KIF5B: variants seen among roughly 807,000 people sequenced by gnomAD.
The protein encoded by KIF5B is kinesin-1 heavy chain.
In KIF5B, 49 loss-of-function variants were observed where a neutral mutation model predicts 132.8. The observed-to-expected ratio is 0.37, with a 90% CI of 0.29 to 0.47. The LOEUF (loss-of-function observed/expected upper bound fraction) is 0.47. Ranked by LOEUF, KIF5B falls within the 20% of genes least tolerant of loss-of-function variation. The pLI, the probability that KIF5B is intolerant of heterozygous loss-of-function variation, is 1.00. For synonymous variants in KIF5B, 355 were observed against 369.4 expected, an observed-to-expected ratio of 0.96 and a Z score of 0.45; for missense variants, 780 against 1,144.0, an observed-to-expected ratio of 0.68 and a Z score of 4.59.
rs1288536710 is a variant in KIF5B at position 32,056,139 on chromosome 10, G to A, written c.-166C>T. ...GGAGGCGGCCGGGGAGCCGGGACTTGAAGAGCCGGCGCCGGCAGCCGTTAA... is the reference window on the plus strand; with the variant it reads ...GGAGGCGGCCGGGGAGCCGGGACTTAAAGAGCCGGCGCCGGCAGCCGTTAA... On this transcript the variant is annotated 5_prime_UTR_variant, in exon 1 of 26. Transcript: ENST00000302418. The A allele has an allele frequency of 1.4e-5, 10 of 729,420 alleles. No homozygotes were observed. Among genetic ancestry groups the A allele is most frequent in the Non-Finnish European group, 1.3e-5 (6 of 465,220 alleles). The allele number at this position is 729,420 out of a possible 1,614,324, so 45.2% of individuals were successfully genotyped here.
intron 24 of KIF5B, 84 bp from the exon 25 acceptor site, chr10:32,015,743 A>C: frequency 8.8e-7 from 1 of 1,134,404 alleles, no homozygotes; most frequent in Non-Finnish European, 1.2e-6. Flanking sequence ...TCTTATTCAC[A>C]ACAAATTCCC....
intron 2 of KIF5B, among the ~76,000 whole-genome samples, chr10:32,045,307 G>C (rs1841595175): frequency 6.6e-6 from 1 of 151,744 alleles, no homozygotes; most frequent in Non-Finnish European, 1.5e-5. Context: ...GTCATATTCA[G>C]AAAAAAAATA....
chr10:32,038,938 C>T (rs370734712), intron 4 of KIF5B, 112 bp from the exon 5 acceptor site: 5 of 676,622 alleles, frequency 7.4e-6, no homozygotes, highest in South Asian at 1.8e-5. Context: ...TATCAACATA[C>T]CAGCCATAGC....
In KIF5B at chr10:32,015,607, A is replaced by T; in HGVS notation, c.2814T>A (p.Ser938Arg). Residue 938 changes from serine (S) to arginine (R), a missense_variant, in exon 25 of 26, where the codon AGT becomes AGA. This residue lies in a region of KIF5B where 90 missense variants were observed against 101.8 expected (regional missense o/e 0.88). Coordinates refer to ENST00000302418, the MANE Select transcript of KIF5B (RefSeq NM_004521.3). ...CAAATGCACCTCCTCCACGAATTGC[A>T]CTTGGGTGAGTTGGAGAAGCTGCTG... The part of the protein sequence containing the change: ...QHPAASPTHP[S>R]AIRGGGAFVQ... 1 of 1,613,858 alleles carries T rather than the reference A, an allele frequency of 6.2e-7. No individual in the cohort carries two copies. Among genetic ancestry groups the T allele is most frequent in the South Asian group, 1.1e-5 (1 of 91,066 alleles).
At chr10:32,037,217 A>C in intron 8 of KIF5B, 37 bp downstream of exon 8, 1 of 1,589,902 alleles carries the variant, frequency 6.3e-7, no homozygotes, top group Non-Finnish European at 8.6e-7. Flanking sequence ...GTTTACAAAG[A>C]TGCTTAAATA....
intron 2 of KIF5B, among the ~76,000 whole-genome samples, chr10:32,047,089 AAATATTTCTATTG>A (rs1321527616): frequency 5.3e-5 from 8 of 152,202 alleles, no homozygotes; most frequent in East Asian, 1.9e-4. Flanking sequence ...CAGGTACTAG[AAATATTTCTATTG>A]AATATTTCTA....
At chr10:32,024,056 AAAAAAAAC>A (rs1841300175) in intron 15 of KIF5B, among the ~76,000 whole-genome samples, 1 of 101,080 alleles carries the variant, frequency 9.9e-6, no homozygotes, top group African/African-American at 3.0e-5. Flanking sequence ...GAGAGTAAAA[AAAAAAAAC>A]AAAAAAAAAA....
At chr10:32,016,496 A>G (rs183689294) in intron 24 of KIF5B, among the ~76,000 whole-genome samples, 74 of 152,196 alleles carry the variant, frequency 4.9e-4, no homozygotes, top group African/African-American at 1.7e-3. Context: ...TAAAACACAA[A>G]AAAAACACTT....
rs544714432 is a variant in KIF5B at position 32,009,131 on chromosome 10, G to A, written c.*2406C>T. 4.6e-5 allele frequency: 7 copies of A among 152,264 alleles called. No homozygotes were observed. 9.4% of individuals were successfully genotyped at this position (152,264 alleles called of 1,614,324 possible). A position where few individuals can be genotyped will look rare whatever the true frequency, so the allele number is the denominator to read the frequency against. The stretch of plus-strand genomic sequence containing the variant: ...ATTTGTGAATGTATCTTCAAGCACT[G>A]AAAATAAACCAACATATTCCACAGG... On this transcript the variant is annotated 3_prime_UTR_variant, in exon 26 of 26. Transcript: ENST00000302418.
intron 2 of KIF5B, among the ~76,000 whole-genome samples, chr10:32,046,875 C>T (rs976247535): frequency 1.3e-5 from 2 of 151,924 alleles, no homozygotes; most frequent in Admixed American, 1.3e-4. Context: ...GTTGAAAATA[C>T]CCTAAGCTGA....
intron 2 of KIF5B, among the ~76,000 whole-genome samples, chr10:32,046,038 T>C (rs1374326591): frequency 6.6e-6 from 1 of 152,160 alleles, no homozygotes; most frequent in East Asian, 1.9e-4. Flanking sequence ...TCAAATGTGC[T>C]GACAGCCAAC....
chr10:32,029,535 C>G (rs548928493), intron 14 of KIF5B, among the ~76,000 whole-genome samples: 5 of 152,252 alleles, frequency 3.3e-5, no homozygotes, highest in Admixed American at 1.3e-4. Flanking sequence ...TATGTATCCA[C>G]CCAGGTTAAT....
chr10:32,053,384 T>C (rs910727780), intron 1 of KIF5B, among the ~76,000 whole-genome samples: 7 of 151,054 alleles, frequency 4.6e-5, no homozygotes, highest in African/African-American at 1.5e-4. Flanking sequence ...TTTTTAAGGC[T>C]ATGTTATTCA....
At chr10:32,024,088 A>C (rs1315173039) in intron 15 of KIF5B, among the ~76,000 whole-genome samples, 1 of 147,290 alleles carries the variant, frequency 6.8e-6, no homozygotes, top group Non-Finnish European at 1.5e-5. Flanking sequence ...CAAGACACAG[A>C]GAAATAATGC....
chr10:32,039,266 AT>A (rs1189158828), intron 4 of KIF5B, 60 bp downstream of exon 4: 15 of 655,028 alleles, frequency 2.3e-5, no homozygotes, highest in African/African-American at 1.5e-4. Context: ...AGCATTTACT[AT>A]TTTTTTAGAA....
At chr10:32,019,561 T>C (rs530094504) in intron 20 of KIF5B, among the ~76,000 whole-genome samples, 1 of 152,330 alleles carries the variant, frequency 6.6e-6, no homozygotes, top group Admixed American at 6.5e-5. Context: ...TATATTGTTT[T>C]AGGTTCATTT....
At chr10:32,037,447 C>G (rs1468845678) in intron 7 of KIF5B, 69 bp from the exon 8 acceptor site, 21 of 1,594,672 alleles carry the variant, frequency 1.3e-5, no homozygotes, top group Non-Finnish European at 1.7e-5. Context: ...CTGAAGCAAT[C>G]TTATAATTAA....
At position 32,028,514 on chromosome 10, in the gene KIF5B, G is replaced by T; in HGVS notation, c.1639C>A (p.Gln547Lys). Reference protein sequence around the residue: ...LQKLKEMTNHQKKRAAEMMAS... With the variant: ...LQKLKEMTNHKKKRAAEMMAS... ...ATCATCTCAGCTGCTCGTTTTTTCT[G>T]GTGGTTGGTCATTTCCTTAAGTTTC... is the stretch of plus-strand genomic sequence containing the variant. The change falls in exon 15 of 26, where the codon CAG becomes AAG. Residue 547 changes from glutamine (Q) to lysine (K), a missense_variant. By Grantham distance (53) the Gln-to-Lys change is moderately conservative. This residue lies in a region of KIF5B where 471 missense variants were observed against 569.9 expected (regional missense o/e 0.83). Coordinates refer to ENST00000302418, the MANE Select transcript of KIF5B (RefSeq NM_004521.3). 6.2e-7 allele frequency: 1 copy of T among 1,613,652 alleles called. No homozygotes were observed. The highest frequency in any genetic ancestry group is 8.5e-7 in the Non-Finnish European group (1 of 1,179,716).
Position 32,048,455 on chromosome 10 carries a change from T to C in KIF5B, c.214+9A>G, listed in dbSNP as rs749351416. On this transcript the variant is annotated intron_variant, in intron 2 of 25. Coordinates refer to ENST00000302418, the MANE Select transcript of KIF5B (RefSeq NM_004521.3). ...TGCTGAGACAACTCAGCAGGTTGAA[T>C]ATATTTACCTTTAACAATCTTCTTT... The C allele has an allele frequency of 4.4e-6, 7 of 1,578,518 alleles. No individual in the cohort carries two copies. The highest frequency in any genetic ancestry group is 6.1e-6 in the Non-Finnish European group (7 of 1,154,664).
Sources: allele counts gnomAD v4.1 joint callset (sites outside exome capture counted in the v4.1 genomes callset), GRCh38; gene constraint gnomAD v4.1.1; regional missense constraint gnomAD v4.1.1; transcripts MANE v1.5; gene names NCBI Gene and HGNC (gene_info 2026-07-23, HGNC 2026-07-21).